TNFSF15: variants seen among roughly 807,000 people sequenced by gnomAD.
TNFSF15 encodes the protein tumor necrosis factor ligand superfamily member 15.
A neutral mutation model predicts 26.4 loss-of-function variants in TNFSF15; 15 were observed. The observed-to-expected ratio is 0.57, with a 90% CI of 0.38 to 0.87. The LOEUF (loss-of-function observed/expected upper bound fraction) is 0.87, where lower values mean the gene tolerates loss of function less well. Among genes scored for constraint, TNFSF15 ranks in the 40% least tolerant of loss-of-function variants. TNFSF15 has a pLI of 0.00. For missense variants in TNFSF15, 290 were observed against 306.1 expected (o/e 0.95, Z 0.39); for synonymous variants, 116 against 115.0 (o/e 1.01, Z -0.06).
rs1011998236 is a variant in TNFSF15, at chr9:114,788,942, A to G, written c.*1510T>C. The stretch of plus-strand genomic sequence containing the variant: ...CTCCGCAATGACCAGCCTGTCCTCC[A>G]GGGAAGGTCTTGGCTAGGCTCATTA... On this transcript the variant is annotated 3_prime_UTR_variant, in exon 4 of 4. Coordinates refer to ENST00000374045, the MANE Select transcript of TNFSF15 (RefSeq NM_005118.4). The G allele has an allele frequency of 1.3e-5, 2 of 152,242 alleles. No homozygotes were observed. Among genetic ancestry groups the G allele is most frequent in the African/African-American group, 2.4e-5 (1 of 41,468 alleles). 9.4% of individuals were successfully genotyped at this position (152,242 alleles called of 1,614,324 possible). A position where few individuals can be genotyped will look rare whatever the true frequency, so the allele number is the denominator to read the frequency against.
At chr9:114,803,337 G>A (rs1316855407) in intron 1 of TNFSF15, among the ~76,000 whole-genome samples, 2 of 152,088 alleles carry the variant, frequency 1.3e-5, no homozygotes, top group South Asian at 2.1e-4. Context: ...TTCTGCACAC[G>A]CCTTATTGGT....
rs1441326605 is a variant in TNFSF15 at position 114,786,046 on chromosome 9, C to T, written c.*4406G>A. Reference sequence around the variant, plus strand: ...ATGTGGTTGTTAGAGGGTGACGGGGCATGGAGGTGATGGCTCTGATCCACA... The same window carrying T: ...ATGTGGTTGTTAGAGGGTGACGGGGTATGGAGGTGATGGCTCTGATCCACA... On this transcript the variant is annotated 3_prime_UTR_variant, in exon 4 of 4. Transcript: ENST00000374045. 6.6e-6 allele frequency: 1 copy of T among 152,306 alleles called. No individual in the cohort carries two copies. Among genetic ancestry groups the T allele is most frequent in the African/African-American group, 2.4e-5 (1 of 41,418 alleles). 9.4% of individuals were successfully genotyped at this position (152,306 alleles called of 1,614,324 possible). A position where few individuals can be genotyped will look rare whatever the true frequency, so the allele number is the denominator to read the frequency against.
chr9:114,792,496 T>G (rs1202650138), intron 2 of TNFSF15, 42 bp from the exon 3 acceptor site: 5 of 1,613,272 alleles, frequency 3.1e-6, no homozygotes, highest in Non-Finnish European at 4.2e-6. Flanking sequence ...AGACAAAGGG[T>G]GACTGAAATG....
chr9:114,792,559 T>C, intron 2 of TNFSF15, 105 bp from the exon 3 acceptor site: 3 of 1,575,896 alleles, frequency 1.9e-6, no homozygotes, highest in Non-Finnish European at 2.6e-6. Flanking sequence ...GAAACCTTGA[T>C]CTCCTCCAGC....
At position 114,793,566 on chromosome 9, in the gene TNFSF15, A is replaced by G; in HGVS notation, c.213T>C (p.Ala71=). 1.2e-6 allele frequency: 2 copies of G among 1,613,834 alleles called. No individual in the cohort carries two copies. Among genetic ancestry groups the G allele is most frequent in the Non-Finnish European group, 1.7e-6 (2 of 1,179,750 alleles). ...AAGGTGCAAACTCCTGTCCTTTTAG[A>G]GCCTATTGGGAAAGAAAGTATAGTT... The part of the protein sequence containing the change: ...AQGEACVQFQ[A]LKGQEFAPSH... The change falls in exon 2 of 4, where the codon GCT becomes GCC. Residue 71 remains alanine, a splice_region_variant and synonymous_variant. Coordinates refer to ENST00000374045, the MANE Select transcript of TNFSF15 (RefSeq NM_005118.4).
rs1364055852 is a variant in TNFSF15 at position 114,785,354 on chromosome 9, T to A, written c.*5098A>T. On this transcript the variant is annotated 3_prime_UTR_variant, in exon 4 of 4. Coordinates refer to ENST00000374045, the MANE Select transcript of TNFSF15 (RefSeq NM_005118.4). ...CATGACATTTCTCTATTGGCCAAGA[T>A]CTTAGGGGTATTTTGTGTTGGACAC... The A allele has an allele frequency of 6.6e-6, 1 of 152,182 alleles. No individual in the cohort carries two copies. Among genetic ancestry groups the A allele is most frequent in the African/African-American group, 2.4e-5 (1 of 41,440 alleles). The allele number at this position is 152,182 out of a possible 1,614,324, so 9.4% of individuals were successfully genotyped here.
At chr9:114,801,024 T>C (rs1289504718) in intron 1 of TNFSF15, among the ~76,000 whole-genome samples, 1 of 151,992 alleles carries the variant, frequency 6.6e-6, no homozygotes, top group Non-Finnish European at 1.5e-5. Context: ...AAGGAGAATG[T>C]GGGGAGAGTG....
intron 1 of TNFSF15, among the ~76,000 whole-genome samples, chr9:114,798,009 A>G (rs1285525274): frequency 2.0e-5 from 3 of 152,178 alleles, no homozygotes; most frequent in Non-Finnish European, 4.4e-5. Context: ...AGAGAGTCAG[A>G]GAGGGGGTGA....
At chr9:114,803,585 C>T (rs754414364) in intron 1 of TNFSF15, among the ~76,000 whole-genome samples, 7 of 152,220 alleles carry the variant, frequency 4.6e-5, no homozygotes, top group Non-Finnish European at 8.8e-5. Flanking sequence ...TGACCCTGCT[C>T]TGTCCTGTGA....
chr9:114,803,254 G>A (rs914307568), intron 1 of TNFSF15, among the ~76,000 whole-genome samples: 6 of 152,128 alleles, frequency 3.9e-5, no homozygotes, highest in Non-Finnish European at 7.4e-5. Flanking sequence ...GGTGCCTGGG[G>A]TAGAGTGATG....
chr9:114,789,093 TC>T lies in TNFSF15; in HGVS notation c.*1358del, dbSNP rs1369730594. The T allele has an allele frequency of 1.3e-5, 2 of 152,244 alleles. No individual in the cohort carries two copies. The highest frequency in any genetic ancestry group is 2.1e-4 in the South Asian group (1 of 4,832). 9.4% of individuals were successfully genotyped at this position (152,244 alleles called of 1,614,324 possible). A position where few individuals can be genotyped will look rare whatever the true frequency, so the allele number is the denominator to read the frequency against. ...ACTTCTTCAGATTTGGTGATTGACT[TC>T]TTTTTTCCCTTCCCCCATGGAATAA... On this transcript the variant is annotated 3_prime_UTR_variant, in exon 4 of 4. Transcript: ENST00000374045.
At chr9:114,799,231 T>C (rs1475472127) in intron 1 of TNFSF15, among the ~76,000 whole-genome samples, 1 of 152,240 alleles carries the variant, frequency 6.6e-6, no homozygotes, top group Non-Finnish European at 1.5e-5. Flanking sequence ...TTGTGGCATG[T>C]CACTTGACCT....
intron 1 of TNFSF15, among the ~76,000 whole-genome samples, chr9:114,802,662 A>G (rs1829764530): frequency 6.6e-6 from 1 of 152,188 alleles, no homozygotes; most frequent in Non-Finnish European, 1.5e-5. Context: ...CTGGGCCAGT[A>G]GTTCTAGATG....
intron 1 of TNFSF15, among the ~76,000 whole-genome samples, chr9:114,795,538 A>AG (rs1829662890): frequency 6.6e-6 from 1 of 152,236 alleles, no homozygotes; most frequent in African/African-American, 2.4e-5. Flanking sequence ...ACACTGTATT[A>AG]GGTATCACAA....
At position 114,788,756 on chromosome 9, in the gene TNFSF15, A is replaced by T. The variant is rs1175603195; in HGVS notation, c.*1696T>A. ...CATGAAGTTAACATCTTTCATTCTCATGAGCTCATTTGCTCCTTGGAAACA... is the reference window on the plus strand; with the variant it reads ...CATGAAGTTAACATCTTTCATTCTCTTGAGCTCATTTGCTCCTTGGAAACA... On this transcript the variant is annotated 3_prime_UTR_variant, in exon 4 of 4. Transcript: ENST00000374045. The T allele has an allele frequency of 1.3e-5, 2 of 152,234 alleles. No individual in the cohort carries two copies. Among genetic ancestry groups the T allele is most frequent in the African/African-American group, 2.4e-5 (1 of 41,474 alleles). 9.4% of individuals were successfully genotyped at this position (152,234 alleles called of 1,614,324 possible).
rs545367029 is a variant in TNFSF15 at position 114,789,182 on chromosome 9, G to A, written c.*1270C>T. ...AGTTGATCTAGTTAACCAGGTATCT[G>A]TCTTCAGGTTTCTTCAGGGAACTAA... is the stretch of plus-strand genomic sequence containing the variant. On this transcript the variant is annotated 3_prime_UTR_variant, in exon 4 of 4. Coordinates refer to ENST00000374045, the MANE Select transcript of TNFSF15 (RefSeq NM_005118.4). 6.6e-6 allele frequency: 1 copy of A among 152,166 alleles called. No individual in the cohort carries two copies. Among genetic ancestry groups the A allele is most frequent in the African/African-American group, 2.4e-5 (1 of 41,436 alleles). 9.4% of individuals were successfully genotyped at this position (152,166 alleles called of 1,614,324 possible).
intron 1 of TNFSF15, among the ~76,000 whole-genome samples, chr9:114,803,346 G>T (rs1282297996): frequency 6.6e-6 from 1 of 152,106 alleles, no homozygotes; most frequent in Admixed American, 6.6e-5. Context: ...CGCCTTATTG[G>T]TGCTGTCAGA....
chr9:114,798,537 G>T (rs545732351), intron 1 of TNFSF15, among the ~76,000 whole-genome samples: 9 of 152,210 alleles, frequency 5.9e-5, no homozygotes, highest in African/African-American at 2.2e-4. Flanking sequence ...GTCCTGTATT[G>T]GGCATTTATG....
chr9:114,803,101 T>C (rs1006864753), intron 1 of TNFSF15, among the ~76,000 whole-genome samples: 1 of 152,132 alleles, frequency 6.6e-6, no homozygotes, highest in Non-Finnish European at 1.5e-5. Flanking sequence ...CCCAGGTGCC[T>C]TCCTTCCCTC....
Sources: gnomAD v4.1 joint callset for allele counts (sites outside exome capture counted in the v4.1 genomes callset) on GRCh38, gnomAD v4.1.1 for gene constraint, MANE v1.5 for transcripts, NCBI Gene and HGNC (gene_info 2026-07-23, HGNC 2026-07-21) for gene names.